ZBTB9: variants seen among roughly 807,000 people sequenced by gnomAD.
ZBTB9 encodes the protein zinc finger and BTB domain containing 9, also known as zinc finger and BTB domain-containing protein 9.
ZBTB9 carries 17 observed loss-of-function variants against 26.3 expected under a neutral mutation model. That is an observed-to-expected ratio of 0.65 (90% CI 0.44 to 0.97). The LOEUF (loss-of-function observed/expected upper bound fraction) is 0.97, where lower values mean the gene tolerates loss of function less well. Among genes scored for constraint, ZBTB9 ranks in the 50% least tolerant of loss-of-function variants. ZBTB9 has a pLI of 0.00. For synonymous variants in ZBTB9, 226 were observed against 234.3 expected (o/e 0.96, Z 0.32); for missense variants, 510 against 594.2 (o/e 0.86, Z 1.47).
rs1726961407 is a variant in ZBTB9, at chr6:33,456,170, G to A, written c.1070G>A (p.Gly357Asp). ...CATGGGAATGAAATCCTGTCAGGGGGTGGAGGACCTGGGGGAGCAGGCCAG... is the reference window on the plus strand; with the variant it reads ...CATGGGAATGAAATCCTGTCAGGGGATGGAGGACCTGGGGGAGCAGGCCAG... ...DLHGNEILSG[G>D]GGPGGAGQAV... Residue 357 changes from glycine (G) to aspartate (D), a missense_variant, in exon 2 of 2, where the codon GGT becomes GAT. This residue lies in a region of ZBTB9 where 439 missense variants were observed against 460.4 expected (regional missense o/e 0.95). Coordinates refer to ENST00000395064, the MANE Select transcript of ZBTB9 (RefSeq NM_152735.4). This position sits in a 1 kb window ranked among gnomAD's most constrained non-coding sequence, Gnocchi z 5.1. The A allele has an allele frequency of 1.9e-6, 3 of 1,608,712 alleles. No homozygotes were observed. The highest frequency in any genetic ancestry group is 2.5e-6 in the Non-Finnish European group (3 of 1,177,332).
Position 33,456,481 on chromosome 6 carries a change from A to G in ZBTB9, c.1381A>G (p.Lys461Glu). 6.2e-7 allele frequency: 1 copy of G among 1,613,392 alleles called. No homozygotes were observed. Among genetic ancestry groups the G allele is most frequent in the Non-Finnish European group, 8.5e-7 (1 of 1,179,654 alleles). The change falls in exon 2 of 2, where the codon AAG becomes GAG. Residue 461 changes from lysine to glutamate, a missense_variant. This residue lies in a region of ZBTB9 where 71 missense variants were observed against 133.8 expected (regional missense o/e 0.53). Transcript: ENST00000395064. The surrounding 1 kb of genome is among the most constrained non-coding windows in gnomAD (Gnocchi z 5.1). ...TTTTCTCCGCCACCGGGACCTATGCAAGGGCCAGGGCTGGGCCACTGCCCA... is the reference window on the plus strand; with the variant it reads ...TTTTCTCCGCCACCGGGACCTATGCGAGGGCCAGGGCTGGGCCACTGCCCA... ...ACFLRHRDLCKGQGWATAHWT... is the reference protein window; with the variant it reads ...ACFLRHRDLCEGQGWATAHWT...
chr6:33,455,966 C>A lies in ZBTB9; in HGVS notation c.866C>A (p.Pro289His). 1.2e-6 allele frequency: 2 copies of A among 1,613,328 alleles called. No homozygotes were observed. The highest frequency in any genetic ancestry group is 1.7e-6 in the Non-Finnish European group (2 of 1,179,626). ...AAAATCTTCTACATTAAGCAGGAACCCTTCGAGCCTAAGGAGGAGATATCA... is the reference window on the plus strand; with the variant it reads ...AAAATCTTCTACATTAAGCAGGAACACTTCGAGCCTAAGGAGGAGATATCA... ...PPKIFYIKQE[P>H]FEPKEEISGS... The change falls in exon 2 of 2, where the codon CCC becomes CAC. Residue 289 changes from proline to histidine, a missense_variant. Transcript: ENST00000395064.
rs3827803 is a variant in ZBTB9, at chr6:33,456,372, C to T, written c.1272C>T (p.His424=). 4.0e-5 allele frequency: 64 copies of T among 1,614,196 alleles called. No individual in the cohort carries two copies. In the East Asian group the frequency reaches 1.3e-3, roughly 33 times the overall value. Residue 424 remains histidine, a synonymous_variant, in exon 2 of 2, where the codon CAC becomes CAT. Transcript: ENST00000395064. This position sits in a 1 kb window ranked among gnomAD's most constrained non-coding sequence, Gnocchi z 5.1. ...GICNKRFKLK[H]HLTEHMKTHA... is the part of the protein sequence containing the mutation. Reference sequence around the variant, plus strand: ...GCAACAAGCGCTTCAAGCTGAAGCACCATCTGACAGAGCACATGAAGACCC... The same window carrying T: ...GCAACAAGCGCTTCAAGCTGAAGCATCATCTGACAGAGCACATGAAGACCC...
rs1215361403 is a variant in ZBTB9 at position 33,456,661 on chromosome 6, T to C, written c.*139T>C. ...TAGATACATTATGGACCTCTTGTTC[T>C]TAGATATGGGCCTCTCAGCCTGGCA... On this transcript the variant is annotated 3_prime_UTR_variant, in exon 2 of 2. Transcript: ENST00000395064. This position sits in a 1 kb window ranked among gnomAD's most constrained non-coding sequence, Gnocchi z 5.1. The C allele has an allele frequency of 7.2e-7, 1 of 1,396,788 alleles. No individual in the cohort carries two copies. The highest frequency in any genetic ancestry group is 9.5e-7 in the Non-Finnish European group (1 of 1,057,050). 86.5% of individuals were successfully genotyped at this position (1,396,788 alleles called of 1,614,324 possible). A position where few individuals can be genotyped will look rare whatever the true frequency, so the allele number is the denominator to read the frequency against.
Position 33,456,444 on chromosome 6 carries a change from A to T in ZBTB9, c.1344A>T (p.Arg448=). 1 of 1,614,132 alleles carries T rather than the reference A, an allele frequency of 6.2e-7. No homozygotes were observed. The highest frequency in any genetic ancestry group is 8.5e-7 in the Non-Finnish European group (1 of 1,180,014). Residue 448 remains arginine, a synonymous_variant, in exon 2 of 2, where the codon CGA becomes CGT. Transcript: ENST00000395064. The surrounding 1 kb of genome is among the most constrained non-coding windows in gnomAD (Gnocchi z 5.1). ...HACPHCGRRF[R]VHACFLRHRD... is the part of the protein sequence containing the mutation. ...GTCCCCACTGTGGCCGTCGGTTCCGAGTCCATGCCTGTTTTCTCCGCCACC... is the reference window on the plus strand; with the variant it reads ...GTCCCCACTGTGGCCGTCGGTTCCGTGTCCATGCCTGTTTTCTCCGCCACC...
In ZBTB9 at chr6:33,455,150, A is replaced by T; in HGVS notation, c.50A>T (p.Asn17Ile). ...LPPVPASPTC[N>I]PAPRTIQIEF... ...CCTGTACCCGCCTCCCCGACCTGCA[A>T]CCCAGCCCCACGGACAATCCAGATC... Residue 17 changes from asparagine (N) to isoleucine (I), a missense_variant, in exon 2 of 2, where the codon AAC becomes ATC. Coordinates refer to ENST00000395064, the MANE Select transcript of ZBTB9 (RefSeq NM_152735.4). 1 of 1,613,276 alleles carries T rather than the reference A, an allele frequency of 6.2e-7. No individual in the cohort carries two copies. Among genetic ancestry groups the T allele is most frequent in the Non-Finnish European group, 8.5e-7 (1 of 1,179,618 alleles).
At chr6:33,454,918 A>G in intron 1 of ZBTB9, 112 bp from the exon 2 acceptor site, 1 of 897,510 alleles carries the variant, frequency 1.1e-6, no homozygotes, top group Non-Finnish European at 1.6e-6. Context: ...ATTTGCAGAA[A>G]CCGCCACTGA....
rs915830655 is a variant in ZBTB9, at chr6:33,456,696, A to G, written c.*174A>G. The G allele has an allele frequency of 8.0e-7, 1 of 1,245,650 alleles. No individual in the cohort carries two copies. The allele number at this position is 1,245,650 out of a possible 1,614,324, so 77.2% of individuals were successfully genotyped here. A position where few individuals can be genotyped will look rare whatever the true frequency, so the allele number is the denominator to read the frequency against. The stretch of plus-strand genomic sequence containing the variant: ...GCCTCTCAGCCTGGCAGATGTGGAA[A>G]CTCAAATTTCTCGTCCCACTCCAGG... On this transcript the variant is annotated 3_prime_UTR_variant, in exon 2 of 2. Coordinates refer to ENST00000395064, the MANE Select transcript of ZBTB9 (RefSeq NM_152735.4). The surrounding 1 kb of genome is among the most constrained non-coding windows in gnomAD (Gnocchi z 5.1).
In ZBTB9 at chr6:33,456,643, A is replaced by G; in HGVS notation, c.*121A>G. On this transcript the variant is annotated 3_prime_UTR_variant, in exon 2 of 2. Transcript: ENST00000395064. This position sits in a 1 kb window ranked among gnomAD's most constrained non-coding sequence, Gnocchi z 5.1. ...GTAATCATGCCAAGAGAATAGATAC[A>G]TTATGGACCTCTTGTTCTTAGATAT... 6.8e-7 allele frequency: 1 copy of G among 1,460,108 alleles called. No homozygotes were observed. The highest frequency in any genetic ancestry group is 9.1e-7 in the Non-Finnish European group (1 of 1,097,766). The allele number at this position is 1,460,108 out of a possible 1,614,324, so 90.4% of individuals were successfully genotyped here. A position where few individuals can be genotyped will look rare whatever the true frequency, so the allele number is the denominator to read the frequency against.
chr6:33,453,551 C>T (rs1352604309), upstream of ZBTB9: 1 of 148,088 alleles, frequency 6.8e-6, no homozygotes, highest in Non-Finnish European at 1.5e-5. Flanking sequence ...TTCTCGTTCT[C>T]CCTCCCCACC....
Position 33,455,577 on chromosome 6 carries a change from T to C in ZBTB9, c.477T>C (p.Leu159=). The C allele has an allele frequency of 6.2e-7, 1 of 1,614,036 alleles. No homozygotes were observed. ...GTGGAGGAAACTCCTACCATGCCCT[T>C]CTTTCCACTACATCCTCTACAGGAG... ...SARGGNSYHA[L]LSTTSSTGGW... The change falls in exon 2 of 2, where the codon CTT becomes CTC. Residue 159 remains leucine (L), a synonymous_variant. Transcript: ENST00000395064.
Position 33,455,116 on chromosome 6 carries a change from C to A in ZBTB9, c.16C>A (p.Pro6Thr), listed in dbSNP as rs762530286. 6 of 1,605,652 alleles carry A rather than the reference C, an allele frequency of 3.7e-6. No homozygotes were observed. In the South Asian group the frequency reaches 6.7e-5, roughly 18 times the overall value. ...CGAGGAGGCCATGGAAACCCCAACA[C>A]CTTTGCCGCCTGTACCCGCCTCCCC... METPTPLPPVPASPTC... is the reference protein window; with the variant it reads METPTTLPPVPASPTC... Residue 6 changes from proline to threonine, a missense_variant, in exon 2 of 2, where the codon CCT becomes ACT. Pro to Thr is a conservative substitution (Grantham distance 38). Around this residue, in one of 2 missense-constraint regions of ZBTB9, gnomAD observed 439 missense variants for 460.4 expected, o/e 0.95. Coordinates refer to ENST00000395064, the MANE Select transcript of ZBTB9 (RefSeq NM_152735.4).
chr6:33,454,232 G>C (rs960481585), upstream of ZBTB9: 10 of 152,222 alleles, frequency 6.6e-5, no homozygotes, highest in Admixed American at 4.6e-4. Context: ...GGCCCACATG[G>C]TAAGTACCCA....
At position 33,455,438 on chromosome 6, in the gene ZBTB9, A is replaced by C. The variant is rs1307702910; in HGVS notation, c.338A>C (p.Asp113Ala). The change falls in exon 2 of 2, where the codon GAT becomes GCT. Residue 113 changes from aspartate to alanine, a missense_variant. Physicochemically the swap from Asp to Ala is moderately radical, Grantham distance 126 (BLOSUM62 -2). Around this residue, in one of 2 missense-constraint regions of ZBTB9, gnomAD observed 439 missense variants for 460.4 expected, o/e 0.95. Coordinates refer to ENST00000395064, the MANE Select transcript of ZBTB9 (RefSeq NM_152735.4). ...TCAGGGCGTCTCCGCCTGCCACTGG[A>C]TGCTCTTCCTGCTCATCTCCTTGTG... ...IYSGRLRLPL[D>A]ALPAHLLVAS... is the part of the protein sequence containing the mutation. The C allele has an allele frequency of 1.9e-6, 3 of 1,614,046 alleles. No homozygotes were observed. Among genetic ancestry groups the C allele is most frequent in the Non-Finnish European group, 2.5e-6 (3 of 1,179,962 alleles).
chr6:33,455,262 G>C lies in ZBTB9; in HGVS notation c.162G>C (p.Val54=), dbSNP rs759435678. The C allele has an allele frequency of 9.3e-6, 15 of 1,614,198 alleles. No homozygotes were observed. The highest frequency in any genetic ancestry group is 1.3e-5 in the Non-Finnish European group (15 of 1,180,052). ...AGTTCTGTGATGTGTCCCTCCTGGT[G>C]CAGGGCCGGGAACTTAGGGCTCATA... ...EGKFCDVSLL[V]QGRELRAHKA... Residue 54 remains valine (V), a synonymous_variant, in exon 2 of 2, where the codon GTG becomes GTC. Coordinates refer to ENST00000395064, the MANE Select transcript of ZBTB9 (RefSeq NM_152735.4).
chr6:33,454,940 C>T (rs1761449640), intron 1 of ZBTB9, 90 bp from the exon 2 acceptor site: 4 of 1,186,712 alleles, frequency 3.4e-6, no homozygotes, highest in East Asian at 5.3e-5. Context: ...TTAAAAGTTT[C>T]CAGTTATTGC....
upstream of ZBTB9, chr6:33,454,404 TCC>T (rs1314257679): frequency 6.6e-6 from 1 of 152,378 alleles, no homozygotes; most frequent in African/African-American, 2.4e-5. Context: ...CTTCAGCAGC[TCC>T]CCGGGACGCC....
Position 33,454,764 on chromosome 6 carries a change from T to G in ZBTB9, c.-83T>G. 2.8e-6 allele frequency: 1 copy of G among 361,930 alleles called. No individual in the cohort carries two copies. The highest frequency in any genetic ancestry group is 5.0e-6 in the Non-Finnish European group (1 of 200,044). 22.4% of individuals were successfully genotyped at this position (361,930 alleles called of 1,614,324 possible). ...CGGAACGGAGCGGCGGGGCAGGAGC[T>G]GTTCTGGGCAGGTGAAGGCAGGCTG... On this transcript the variant is annotated 5_prime_UTR_variant, in exon 1 of 2. Coordinates refer to ENST00000395064, the MANE Select transcript of ZBTB9 (RefSeq NM_152735.4).
rs896049923 is a variant in ZBTB9 at position 33,454,591 on chromosome 6, A to T, written c.-256A>T. On this transcript the variant is annotated 5_prime_UTR_variant, in exon 1 of 2. Coordinates refer to ENST00000395064, the MANE Select transcript of ZBTB9 (RefSeq NM_152735.4). ...GGGAGGCGGCGGCTTCCGGTCTGGGACGGAGCTGTAGCGGCACTGTAACTG... is the reference window on the plus strand; with the variant it reads ...GGGAGGCGGCGGCTTCCGGTCTGGGTCGGAGCTGTAGCGGCACTGTAACTG... The T allele has an allele frequency of 1.8e-5, 3 of 162,978 alleles. No individual in the cohort carries two copies. The highest frequency in any genetic ancestry group is 7.2e-5 in the African/African-American group (3 of 41,704). The allele number at this position is 162,978 out of a possible 1,614,324, so 10.1% of individuals were successfully genotyped here. A position where few individuals can be genotyped will look rare whatever the true frequency, so the allele number is the denominator to read the frequency against.
Sources: allele counts gnomAD v4.1 joint callset, GRCh38; gene constraint gnomAD v4.1.1; regional missense constraint gnomAD v4.1.1; non-coding constraint Gnocchi (gnomAD v3.1); transcripts MANE v1.5; gene names NCBI Gene and HGNC (gene_info 2026-07-23, HGNC 2026-07-21).